Variants in LRMDA observed in about 807,000 individuals in gnomAD.
LRMDA encodes the protein leucine rich melanocyte differentiation associated, also known as leucine-rich melanocyte differentiation-associated protein.
A neutral mutation model predicts 29.8 loss-of-function variants in LRMDA; 18 were observed. The observed-to-expected ratio is 0.60, with a 90% CI of 0.42 to 0.90. The LOEUF is 0.90. LRMDA is among the 40% of genes least tolerant of loss of function. The pLI is 0.00. For synonymous variants in LRMDA, 125 were observed against 109.4 expected (o/e 1.14, Z -0.89); for missense variants, 273 against 273.9 (o/e 1.00, Z 0.02).
At position 76,439,649 on chromosome 10, in the gene LRMDA, A is replaced by G. The variant is rs1233459300; in HGVS notation, c.601+115164A>G. Among the ~76,000 whole-genome samples the G allele has an allele frequency of 3.9e-5, 6 of 152,302 alleles. No individual in the cohort carries two copies. The East Asian group carries it at 1.2e-3, about 29-fold the overall frequency. ...AGTGATCTCAGGATTAGACAAGAAG[A>G]TCAGGAGTGCTCCTTGATCCTCACT... is the stretch of plus-strand genomic sequence containing the variant. On this transcript the variant is annotated intron_variant, in intron 6 of 6. Transcript: ENST00000611255.
intron 5 of LRMDA, among the ~76,000 whole-genome samples, chr10:76,315,497 C>A (rs1254498269): frequency 1.3e-5 from 2 of 152,232 alleles, no homozygotes; most frequent in Non-Finnish European, 2.9e-5. Context: ...GTGGCCAAGC[C>A]CGAGGGCTGT....
In LRMDA at chr10:76,323,133, G is replaced by A. The variant is rs146881954; in HGVS notation, c.517-1268G>A. ...ACACCATATATTTGCCTTGGAGCTG[G>A]AGTGAAGAAATGCTACCTGAAAACT... On this transcript the variant is annotated intron_variant, in intron 5 of 6. Coordinates refer to ENST00000611255, the MANE Select transcript of LRMDA (RefSeq NM_001305581.2). Among the ~76,000 whole-genome samples the A allele has an allele frequency of 1.0e-3, 154 of 152,198 alleles. No homozygotes were observed. In the Middle Eastern group the frequency reaches 0.031, roughly 30 times the overall value.
At chr10:75,913,455 TG>T (rs945364894) in intron 2 of LRMDA, among the ~76,000 whole-genome samples, 6 of 152,080 alleles carry the variant, frequency 3.9e-5, no homozygotes, top group East Asian at 1.9e-4. Context: ...GACTCCGTCT[TG>T]GGGGGAAAAA....
At chr10:75,857,537 C>G (rs1229454983) in intron 2 of LRMDA, among the ~76,000 whole-genome samples, 1 of 152,216 alleles carries the variant, frequency 6.6e-6, no homozygotes, top group African/African-American at 2.4e-5. Context: ...TTCAGCATTT[C>G]TAGCAAAAGG....
At chr10:76,331,720 T>A (rs1217456145) in intron 6 of LRMDA, among the ~76,000 whole-genome samples, 1 of 152,200 alleles carries the variant, frequency 6.6e-6, no homozygotes, top group African/African-American at 2.4e-5. Context: ...GAACTATTAT[T>A]AGCATTTGCT....
At chr10:75,884,271 GTGTGT>G (rs1182108744) in intron 2 of LRMDA, among the ~76,000 whole-genome samples, 170 of 150,396 alleles carry the variant, frequency 1.1e-3, no homozygotes, top group African/African-American at 1.6e-3. Context: ...GTGTGTGTGT[GTGTGT>G]GTGTGTGTGT....
intron 6 of LRMDA, among the ~76,000 whole-genome samples, chr10:76,436,819 A>G (rs1275949087): frequency 6.6e-6 from 1 of 152,170 alleles, no homozygotes; most frequent in Non-Finnish European, 1.5e-5. Context: ...GTTCTGATTG[A>G]GTTTAGAAAA....
chr10:76,218,330 C>G (rs1439007640), intron 5 of LRMDA, among the ~76,000 whole-genome samples: 4 of 152,182 alleles, frequency 2.6e-5, no homozygotes, highest in Admixed American at 6.5e-5. Flanking sequence ...TCGGGCAGTG[C>G]AGGGCTGACA....
intron 2 of LRMDA, among the ~76,000 whole-genome samples, chr10:75,706,097 T>C (rs926251473): frequency 1.3e-5 from 2 of 152,204 alleles, no homozygotes; most frequent in African/African-American, 4.8e-5. Context: ...CAGGAGATCA[T>C]ACACTTTTTG....
intron 5 of LRMDA, among the ~76,000 whole-genome samples, chr10:76,181,608 A>T (rs2132208834): frequency 1.3e-5 from 2 of 152,306 alleles, no homozygotes; most frequent in South Asian, 4.1e-4. Flanking sequence ...GCCCATAAGT[A>T]CCGGGATTCA....
chr10:76,054,653 C>T lies in LRMDA; in HGVS notation c.399-4013C>T, dbSNP rs554816211. ...TTAGTGGGTGTCTTTACTCCCTGCA[C>T]GTCACTCCTGACATATTGTTTCTGT... On this transcript the variant is annotated intron_variant, in intron 4 of 6. Transcript: ENST00000611255. Among the ~76,000 whole-genome samples, 227 of 151,784 alleles carry T rather than the reference C, an allele frequency of 1.5e-3. 1 individual carries two copies. The highest frequency in any genetic ancestry group is 5.3e-3 in the African/African-American group (220 of 41,340).
intron 5 of LRMDA, among the ~76,000 whole-genome samples, chr10:76,322,324 G>T (rs1840781466): frequency 6.6e-6 from 1 of 151,146 alleles, no homozygotes; most frequent in South Asian, 2.1e-4. Flanking sequence ...CAAAGAGCTG[G>T]TAGTTGGATC....
At chr10:75,819,010 G>T (rs138268742) in intron 2 of LRMDA, among the ~76,000 whole-genome samples, 1 of 152,194 alleles carries the variant, frequency 6.6e-6, no homozygotes, top group Non-Finnish European at 1.5e-5. Context: ...TTGGGTTTGT[G>T]TTTCCCTGTG....
chr10:76,378,858 C>CTTTTTTTTTTTTTTTTTTTTTTCT (rs144037195), intron 6 of LRMDA, among the ~76,000 whole-genome samples: 1 of 118,966 alleles, frequency 8.4e-6, no homozygotes, highest in Non-Finnish European at 1.6e-5. Context: ...CTTTTTTTTT[C>CTTTTTTTTTTTTTTTTTTTTTTCT]TTTTTTTTTT....
At chr10:76,459,899 G>C (rs1157021293) in intron 6 of LRMDA, among the ~76,000 whole-genome samples, 2 of 152,158 alleles carry the variant, frequency 1.3e-5, no homozygotes, top group African/African-American at 4.8e-5. Context: ...TCAGAACAAT[G>C]AGAAATTGTG....
At chr10:75,775,460 C>T (rs60656194) in intron 2 of LRMDA, among the ~76,000 whole-genome samples, 2,077 of 152,304 alleles carry the variant, frequency 0.014, 54 homozygotes, top group African/African-American at 0.048. Context: ...AAGAAATGAG[C>T]GACAGCTTAT....
At chr10:76,047,495 G>A (rs1017864896) in intron 4 of LRMDA, among the ~76,000 whole-genome samples, 192 bp downstream of exon 4, 2 of 152,174 alleles carry the variant, frequency 1.3e-5, no homozygotes, top group Non-Finnish European at 2.9e-5. Flanking sequence ...AGCTAAGAAA[G>A]ATGAAAAGTT....
chr10:76,492,282 G>A (rs1410165187), intron 6 of LRMDA, among the ~76,000 whole-genome samples: 2 of 152,078 alleles, frequency 1.3e-5, no homozygotes, highest in Non-Finnish European at 2.9e-5. Context: ...GGGCATTCAA[G>A]TAGTAGATAT....
intron 2 of LRMDA, among the ~76,000 whole-genome samples, chr10:75,502,919 T>A (rs1718402166): frequency 6.6e-6 from 1 of 152,074 alleles, no homozygotes; most frequent in African/African-American, 2.4e-5. Context: ...CCTTTTCTTC[T>A]CTTTCCTGTG....
Sources: allele counts gnomAD v4.1 joint callset (sites outside exome capture counted in the v4.1 genomes callset), GRCh38; gene constraint gnomAD v4.1.1; transcripts MANE v1.5; gene names NCBI Gene and HGNC (gene_info 2026-07-23, HGNC 2026-07-21).